Variants in TRPM6 observed in about 807,000 individuals in gnomAD.
TRPM6 encodes the protein channel kinase 2.
In TRPM6, 111 loss-of-function variants were observed where a neutral mutation model predicts 247.6. The ratio of observed to expected loss-of-function variants is 0.45; its 90% CI spans 0.38 to 0.52. TRPM6 has a LOEUF of 0.52. TRPM6 is among the 20% of genes least tolerant of loss of function. TRPM6 has a pLI of 0.00. For synonymous variants in TRPM6, 892 were observed against 853.8 expected, an observed-to-expected ratio of 1.04 and a Z score of -0.78; for missense variants, 2,126 against 2,421.5, an observed-to-expected ratio of 0.88 and a Z score of 2.56.
chr9:74,823,816 AT>A (rs1234892621), intron 7 of TRPM6, among the ~76,000 whole-genome samples: 5 of 152,284 alleles, frequency 3.3e-5, no homozygotes, highest in Admixed American at 3.3e-4. Flanking sequence ...AATTATACTC[AT>A]TGACATGGAA....
intron 34 of TRPM6, 135 bp from the exon 35 acceptor site, chr9:74,739,584 T>C: frequency 2.0e-6 from 3 of 1,511,850 alleles, no homozygotes; most frequent in Non-Finnish European, 2.7e-6. Context: ...AAAGCAAAAG[T>C]CCTACAAAGC....
At chr9:74,845,667 C>CA (rs1331304285) in intron 3 of TRPM6, among the ~76,000 whole-genome samples, 1 of 151,366 alleles carries the variant, frequency 6.6e-6, no homozygotes, top group African/African-American at 2.4e-5. Context: ...CCTGTCTCTA[C>CA]AAAAAAATAT....
chr9:74,803,413 T>C (rs1489008264), intron 15 of TRPM6, among the ~76,000 whole-genome samples: 1 of 152,006 alleles, frequency 6.6e-6, no homozygotes, highest in Non-Finnish European at 1.5e-5. Flanking sequence ...AAAAAGTCAA[T>C]GCGGCAGAGA....
At chr9:74,773,342 C>T (rs1827114030) in intron 24 of TRPM6, among the ~76,000 whole-genome samples, 1 of 152,150 alleles carries the variant, frequency 6.6e-6, no homozygotes, top group Non-Finnish European at 1.5e-5. Context: ...AAAGTTTCAC[C>T]TTGTTACGCA....
rs573399929 is a variant in TRPM6 at position 74,787,216 on chromosome 9, T to A, written c.2668-1091A>T. On this transcript the variant is annotated intron_variant, in intron 20 of 38. Transcript: ENST00000360774. ...TGGGTGTGGTGGCAGGCACCTGTAA[T>A]CCCAGCTACTCCGGAGGCTAAGGCA... Among the ~76,000 whole-genome samples, 110 of 151,916 alleles carry A rather than the reference T, an allele frequency of 7.2e-4. 1 individual carries two copies. Among genetic ancestry groups the A allele is most frequent in the African/African-American group, 2.4e-3 (101 of 41,402 alleles).
chr9:74,795,115 T>C (rs1218664118), intron 18 of TRPM6, among the ~76,000 whole-genome samples: 1 of 152,168 alleles, frequency 6.6e-6, no homozygotes, highest in African/African-American at 2.4e-5. Flanking sequence ...CCAGTTATCC[T>C]TGTGTCCCTT....
At chr9:74,803,608 A>C (rs569720302) in intron 15 of TRPM6, among the ~76,000 whole-genome samples, 186 bp downstream of exon 15, 1 of 152,300 alleles carries the variant, frequency 6.6e-6, no homozygotes, top group South Asian at 2.1e-4. Context: ...AGTCCAGAGA[A>C]TCACTGTGCC....
intron 38 of TRPM6, among the ~76,000 whole-genome samples, chr9:74,725,392 T>G (rs950929693): frequency 2.6e-5 from 4 of 152,022 alleles, no homozygotes; most frequent in African/African-American, 9.7e-5. Context: ...TAAATGAGGA[T>G]TATGTGGAAA....
chr9:74,840,054 C>A lies in TRPM6; in HGVS notation c.514G>T (p.Ala172Ser), dbSNP rs987176765. 1 of 1,614,094 alleles carries A rather than the reference C, an allele frequency of 6.2e-7. No homozygotes were observed. Among genetic ancestry groups the A allele is most frequent in the Non-Finnish European group, 8.5e-7 (1 of 1,180,002 alleles). Residue 172 changes from alanine (A) to serine (S), a missense_variant, in exon 5 of 39, where the codon GCG becomes TCG. Coordinates refer to ENST00000360774, the MANE Select transcript of TRPM6 (RefSeq NM_017662.5). ...GLVKAAETTG[A>S]WIITEGINTG... The stretch of plus-strand genomic sequence containing the variant: ...TTGATGCCTTCAGTTATTATCCACG[C>A]TCCTGTTGTCTCTGCAGCTTTAACC...
At chr9:74,852,475 CTCCCT>C (rs1171113502) in intron 3 of TRPM6, among the ~76,000 whole-genome samples, 2 of 150,782 alleles carry the variant, frequency 1.3e-5, no homozygotes. Flanking sequence ...CCCTCTCCCT[CTCCCT>C]CTCCGTCTCC....
intron 23 of TRPM6, among the ~76,000 whole-genome samples, chr9:74,781,536 C>CAAAA (rs35938872): frequency 0.19 from 17,861 of 93,204 alleles, 1,775 homozygotes; most frequent in Middle Eastern, 0.28. Flanking sequence ...GACTCTATCT[C>CAAAA]AAAAAAAAAA....
intron 13 of TRPM6, among the ~76,000 whole-genome samples, chr9:74,808,418 C>T (rs1271294355): frequency 1.3e-5 from 2 of 151,104 alleles, no homozygotes; most frequent in African/African-American, 4.9e-5. Context: ...TCTATGCGTG[C>T]TCTCTCTCTC....
At chr9:74,746,217 C>T (rs548847798) in intron 31 of TRPM6, among the ~76,000 whole-genome samples, 7 of 147,994 alleles carry the variant, frequency 4.7e-5, no homozygotes, top group Non-Finnish European at 7.4e-5. Context: ...GCAGCCTGGG[C>T]GACAAAGTGA....
chr9:74,801,873 T>TATGA (rs1828350894), intron 16 of TRPM6, 25 bp downstream of exon 16: 1 of 1,612,988 alleles, frequency 6.2e-7, no homozygotes, highest in Middle Eastern at 1.7e-4. Context: ...TGATGTTTAG[T>TATGA]ATGAAGTGAA....
At chr9:74,858,630 G>A in intron 2 of TRPM6, 39 bp downstream of exon 2, 1 of 1,317,450 alleles carries the variant, frequency 7.6e-7, no homozygotes, top group Non-Finnish European at 1.1e-6. Flanking sequence ...CCATCAGGTA[G>A]TGTTGCTTTT....
chr9:74,809,226 CAGGAGGGCTG>C (rs1179523501), intron 13 of TRPM6, among the ~76,000 whole-genome samples: 1 of 152,160 alleles, frequency 6.6e-6, no homozygotes, highest in African/African-American at 2.4e-5. Context: ...GATTGGTTGG[CAGGAGGGCTG>C]AGTGGTAGAT....
chr9:74,768,956 T>G (rs1158211213), intron 25 of TRPM6, among the ~76,000 whole-genome samples: 1 of 152,228 alleles, frequency 6.6e-6, no homozygotes, highest in Non-Finnish European at 1.5e-5. Flanking sequence ...TTCATCCCCC[T>G]TTCCTTAAGG....
chr9:74,785,480 C>T (rs984201696), intron 21 of TRPM6, among the ~76,000 whole-genome samples: 1 of 152,106 alleles, frequency 6.6e-6, no homozygotes, highest in African/African-American at 2.4e-5. Context: ...TCCATATACC[C>T]CGTAAATACA....
chr9:74,785,815 A>G lies in TRPM6; in HGVS notation c.2919+59T>C, dbSNP rs144463358. ...TGGGATTACAGGTGTGAGCCACCAC[A>G]CCTGGCTAAAAATAATTTTAAAAAA... On this transcript the variant is annotated intron_variant, in intron 21 of 38. Transcript: ENST00000360774. The G allele has an allele frequency of 5.3e-3, 8,519 of 1,600,120 alleles. 38 individuals carry two copies. Among genetic ancestry groups the G allele is most frequent in the South Asian group, 5.8e-3 (523 of 90,636 alleles).
Sources: allele counts gnomAD v4.1 joint callset (sites outside exome capture counted in the v4.1 genomes callset), GRCh38; gene constraint gnomAD v4.1.1; transcripts MANE v1.5; gene names NCBI Gene and HGNC (gene_info 2026-07-23, HGNC 2026-07-21).